The following ERBIN variants were observed in gnomAD, a reference collection of about 807,000 sequenced individuals.
ERBIN encodes erbb2 interacting protein, also known as densin-180-like protein.
ERBIN carries 60 observed loss-of-function variants against 158.4 expected under a neutral mutation model. That is an observed-to-expected ratio of 0.38 (90% CI 0.31 to 0.47). The LOEUF (loss-of-function observed/expected upper bound fraction) is 0.47. Ranked by LOEUF, ERBIN falls within the 20% of genes least tolerant of loss-of-function variation. The probability of loss-of-function intolerance (pLI) is 0.99; values close to 1 mark genes in which losing one functional copy is unlikely to be tolerated. For synonymous variants in ERBIN, 594 were observed against 557.2 expected (o/e 1.07, Z -0.93); for missense variants, 1,610 against 1,648.0 (o/e 0.98, Z 0.40).
chr5:66,058,955 G>C lies in ERBIN; in HGVS notation c.3633+4004G>C, dbSNP rs558540214. 2.6e-5 allele frequency among the ~76,000 whole-genome samples: 4 copies of C among 152,286 alleles called. No individual in the cohort carries two copies. The South Asian group carries it at 8.3e-4, about 32-fold the overall frequency. On this transcript the variant is annotated intron_variant, in intron 21 of 25. Transcript: ENST00000284037. ...TTACTGTAGCCTTGTAGTGTAGTTT[G>C]AAGTCAGGTAGCGTGATGCCTCCAG...
At chr5:66,008,709 T>A (rs1210154667) in intron 4 of ERBIN, among the ~76,000 whole-genome samples, 1 of 152,168 alleles carries the variant, frequency 6.6e-6, no homozygotes, top group Non-Finnish European at 1.5e-5. Context: ...CTGTATAGAT[T>A]TTAATAACAA....
At chr5:66,044,091 A>T in intron 16 of ERBIN, 46 bp from the exon 17 acceptor site, 2 of 1,383,140 alleles carry the variant, frequency 1.4e-6, no homozygotes, top group Non-Finnish European at 1.9e-6. Context: ...TGAGATTGAC[A>T]TTAGAAATAT....
At chr5:66,068,189 T>TAATAAC (rs1561452779) in intron 21 of ERBIN, among the ~76,000 whole-genome samples, 2 of 151,334 alleles carry the variant, frequency 1.3e-5, no homozygotes, top group African/African-American at 4.9e-5. Flanking sequence ...ATAATAATAA[T>TAATAAC]AACAACAACT....
intron 1 of ERBIN, among the ~76,000 whole-genome samples, chr5:65,936,851 G>A (rs1295153576): frequency 6.6e-6 from 1 of 152,150 alleles, no homozygotes; most frequent in Non-Finnish European, 1.5e-5. Flanking sequence ...AGTTAAAATT[G>A]ATAGCTAGCT....
chr5:66,026,481 A>C (rs1444242514), intron 13 of ERBIN, 64 bp downstream of exon 13: 2 of 844,518 alleles, frequency 2.4e-6, no homozygotes, highest in Non-Finnish European at 3.7e-6. Flanking sequence ...ATTAAGTTTC[A>C]TATGATATAT....
intron 1 of ERBIN, among the ~76,000 whole-genome samples, chr5:65,964,504 T>C (rs533629668): frequency 1.3e-5 from 2 of 152,338 alleles, no homozygotes; most frequent in African/African-American, 4.8e-5. Flanking sequence ...TCTGATATAC[T>C]CATTTGTATA....
chr5:65,971,812 A>G (rs915558605), intron 1 of ERBIN, among the ~76,000 whole-genome samples: 1 of 152,124 alleles, frequency 6.6e-6, no homozygotes, highest in African/African-American at 2.4e-5. Flanking sequence ...CTGGGGAGAG[A>G]GCAAATGATT....
At chr5:65,938,112 A>T (rs1242402093) in intron 1 of ERBIN, among the ~76,000 whole-genome samples, 1 of 152,046 alleles carries the variant, frequency 6.6e-6, no homozygotes, top group Admixed American at 6.6e-5. Flanking sequence ...TGATACGCAT[A>T]TTTGTTATTT....
At chr5:65,987,367 T>TACACACACACACACACACAC (rs56222591) in intron 1 of ERBIN, among the ~76,000 whole-genome samples, 9,677 of 135,568 alleles carry the variant, frequency 0.071, 449 homozygotes, top group South Asian at 0.088. Flanking sequence ...AGAGACTGTC[T>TACACACACACACACACACAC]ACACACACAC....
At chr5:65,998,761 G>A (rs182791188) in intron 4 of ERBIN, among the ~76,000 whole-genome samples, 6 of 152,084 alleles carry the variant, frequency 3.9e-5, no homozygotes, top group African/African-American at 1.4e-4. Context: ...GCTGCACATG[G>A]TGGCATGTGC....
intron 1 of ERBIN, among the ~76,000 whole-genome samples, chr5:65,973,222 G>A (rs1051720372): frequency 2.3e-4 from 35 of 150,256 alleles, no homozygotes; most frequent in Middle Eastern, 3.4e-3. Context: ...TTGGACACAG[G>A]AAGGGGAACA....
Position 65,992,701 on chromosome 5 carries a change from A to G in ERBIN, c.-9-9A>G. ...ATGTTTTAAATTTCTTTTTATTCGA[A>G]TATTGCAGTGTCTAAAAATGACTAC... On this transcript the variant is annotated splice_polypyrimidine_tract_variant and intron_variant, in intron 2 of 25. Transcript: ENST00000284037. 2 of 1,563,560 alleles carry G rather than the reference A, an allele frequency of 1.3e-6. No individual in the cohort carries two copies. The highest frequency in any genetic ancestry group is 1.7e-6 in the Non-Finnish European group (2 of 1,158,548).
At chr5:66,037,165 A>G (rs1200540871) in intron 14 of ERBIN, among the ~76,000 whole-genome samples, 2 of 152,062 alleles carry the variant, frequency 1.3e-5, no homozygotes, top group East Asian at 3.9e-4. Flanking sequence ...AAGAAGCCAA[A>G]AGTATGGAAA....
intron 16 of ERBIN, among the ~76,000 whole-genome samples, chr5:66,043,760 T>C (rs993673546): frequency 2.0e-5 from 3 of 152,144 alleles, no homozygotes; most frequent in Non-Finnish European, 4.4e-5. Context: ...TGGAAAAATA[T>C]GGCTCTTGGT....
intron 9 of ERBIN, 65 bp downstream of exon 9, chr5:66,023,429 G>A (rs368026898): frequency 2.9e-5 from 28 of 958,084 alleles, no homozygotes; most frequent in Non-Finnish European, 4.1e-5. Context: ...TTTGTGAATT[G>A]TACCTTTTAT....
chr5:65,929,563 A>G (rs778663871), intron 1 of ERBIN, among the ~76,000 whole-genome samples: 8 of 150,488 alleles, frequency 5.3e-5, no homozygotes, highest in African/African-American at 2.0e-4. Context: ...AATTTGTTAC[A>G]TGCTTGCTTC....
chr5:65,994,701 T>A lies in ERBIN; in HGVS notation c.190-46T>A, dbSNP rs769998156. The A allele has an allele frequency of 6.6e-6, 7 of 1,068,212 alleles. No homozygotes were observed. In the Admixed American group the frequency reaches 1.6e-4, roughly 24 times the overall value. The allele number at this position is 1,068,212 out of a possible 1,614,324, so 66.2% of individuals were successfully genotyped here. On this transcript the variant is annotated intron_variant, in intron 3 of 25. Coordinates refer to ENST00000284037, the MANE Select transcript of ERBIN (RefSeq NM_001253697.2). ...TAATAAAAGTTAGTTCATGAAATAT[T>A]TAAAGATGTATATAATTGACATTCT... is the stretch of plus-strand genomic sequence containing the variant.
chr5:66,018,934 C>T (rs1164041169), intron 7 of ERBIN, among the ~76,000 whole-genome samples: 3 of 150,114 alleles, frequency 2.0e-5, no homozygotes, highest in Admixed American at 6.6e-5. Flanking sequence ...TGCACCTGGC[C>T]GGTATGTCAT....
chr5:66,057,653 A>C (rs1403374231), intron 21 of ERBIN, among the ~76,000 whole-genome samples: 1 of 150,504 alleles, frequency 6.6e-6, no homozygotes, highest in African/African-American at 2.4e-5. Context: ...TGCACCCATT[A>C]ACTCGTCATT....
Sources: allele counts gnomAD v4.1 joint callset (sites outside exome capture counted in the v4.1 genomes callset), GRCh38; gene constraint gnomAD v4.1.1; transcripts MANE v1.5; gene names NCBI Gene and HGNC (gene_info 2026-07-23, HGNC 2026-07-21).